The following SULF1 variants were observed in gnomAD, a reference collection of about 807,000 sequenced individuals.
The protein encoded by SULF1 is extracellular sulfatase Sulf-1.
In SULF1, 46 loss-of-function variants were observed where a neutral mutation model predicts 110.5. The ratio of observed to expected loss-of-function variants is 0.42; its 90% confidence interval spans 0.33 to 0.53. The LOEUF (loss-of-function observed/expected upper bound fraction) is 0.53. Among genes scored for constraint, SULF1 ranks in the 20% least tolerant of loss-of-function variants. SULF1 has a pLI of 0.12. For missense variants in SULF1, 941 were observed against 1,094.2 expected (o/e 0.86, Z 1.98); for synonymous variants, 371 against 387.1 (o/e 0.96, Z 0.49).
chr8:69,526,559 C>T (rs1309665755), intron 3 of SULF1, among the ~76,000 whole-genome samples: 16 of 145,776 alleles, frequency 1.1e-4, no homozygotes, highest in Middle Eastern at 3.5e-3. Flanking sequence ...CCCAAGAATT[C>T]GAGACCAGCC....
intron 1 of SULF1, among the ~76,000 whole-genome samples, chr8:69,477,281 G>A (rs892699377): frequency 2.6e-5 from 4 of 152,146 alleles, no homozygotes; most frequent in Non-Finnish European, 4.4e-5. Flanking sequence ...GGAAAAATAA[G>A]CTATATGAAA....
In SULF1 at chr8:69,604,816, A is replaced by C. The variant is rs1425056242; in HGVS notation, c.1261A>C (p.Lys421Gln). The C allele has an allele frequency of 6.2e-7, 1 of 1,614,150 alleles. No individual in the cohort carries two copies. ...TTTTTGTCGAAGCAAATTTCTACGT[A>C]AGAAGGAAGAATCCAGCAAGAATAT... ...FLVERGKFLR[K>Q]KEESSKNIQQ... Residue 421 changes from lysine to glutamine, a missense_variant, in exon 13 of 23, where the codon AAG (lysine) becomes CAG (glutamine). This residue lies in a region of SULF1 where 822 missense variants were observed against 934.3 expected (regional missense o/e 0.88). Coordinates refer to ENST00000402687, the MANE Select transcript of SULF1 (RefSeq NM_001128205.2).
upstream of SULF1, among the ~76,000 whole-genome samples, chr8:69,491,603 T>C (rs1202708789): frequency 6.6e-6 from 1 of 152,230 alleles, no homozygotes; most frequent in Non-Finnish European, 1.5e-5. Flanking sequence ...AGCTTTCTTG[T>C]TTAACTTATG....
chr8:69,525,645 T>G (rs1397393966), intron 3 of SULF1, among the ~76,000 whole-genome samples: 1 of 152,224 alleles, frequency 6.6e-6, no homozygotes, highest in Non-Finnish European at 1.5e-5. Context: ...CCTAACTCTA[T>G]GCAGAGTGGA....
chr8:69,583,406 T>A lies in SULF1; in HGVS notation c.413-2951T>A, dbSNP rs1281785277. 3.6e-5 allele frequency among the ~76,000 whole-genome samples: 5 copies of A among 137,076 alleles called. 1 individual carries two copies. The Admixed American group carries it at 3.7e-4, about 10-fold the overall frequency. The allele number at this position is 137,076 out of a possible 152,430, so 89.9% of individuals were successfully genotyped here. ...AATATGGTGAAACCCCATCTCTATT[T>A]AAAAAAAAAAAAAAAAAATTAGCCA... On this transcript the variant is annotated intron_variant, in intron 6 of 22. Coordinates refer to ENST00000402687, the MANE Select transcript of SULF1 (RefSeq NM_001128205.2).
At chr8:69,614,994 G>C (rs1379450972) in intron 13 of SULF1, among the ~76,000 whole-genome samples, 1 of 152,218 alleles carries the variant, frequency 6.6e-6, no homozygotes, top group Non-Finnish European at 1.5e-5. Flanking sequence ...AGTGAAGATG[G>C]AGACAATCGG....
At chr8:69,626,056 A>G (rs1032906488) in intron 15 of SULF1, 5 of 152,048 alleles carry the variant, frequency 3.3e-5, no homozygotes, top group Admixed American at 1.3e-4. Context: ...CTTGAGCTAA[A>G]CACAGGGTGC....
intron 13 of SULF1, among the ~76,000 whole-genome samples, chr8:69,612,269 G>T (rs1808721806): frequency 6.6e-6 from 1 of 152,044 alleles, no homozygotes. Context: ...CATTTAGGCT[G>T]GGTTCCATAT....
At chr8:69,629,234 G>A (rs111891663) in intron 18 of SULF1, among the ~76,000 whole-genome samples, 7,618 of 152,088 alleles carry the variant, frequency 0.05, 213 homozygotes, top group Middle Eastern at 0.078. Context: ...GGGTTTCACC[G>A]TGTTGGCCAA....
chr8:69,639,007 G>T, intron 21 of SULF1, 149 bp downstream of exon 21: 1 of 854,696 alleles, frequency 1.2e-6, no homozygotes, highest in South Asian at 1.9e-5. Flanking sequence ...AATACAATTT[G>T]ATCTCTAAGT....
intron 8 of SULF1, among the ~76,000 whole-genome samples, chr8:69,589,466 C>A (rs1006519818): frequency 1.3e-5 from 2 of 152,200 alleles, no homozygotes; most frequent in African/African-American, 2.4e-5. Context: ...TGTGTCTGAT[C>A]TAATAATGAT....
At chr8:69,575,803 A>G (rs1302403374) in intron 5 of SULF1, among the ~76,000 whole-genome samples, 167 bp from the exon 6 acceptor site, 1 of 152,196 alleles carries the variant, frequency 6.6e-6, no homozygotes, top group Admixed American at 6.5e-5. Flanking sequence ...GTAGGATCTC[A>G]AATGCTTAAT....
intron 3 of SULF1, among the ~76,000 whole-genome samples, chr8:69,506,427 C>T (rs1245574338): frequency 6.6e-6 from 1 of 152,236 alleles, no homozygotes; most frequent in East Asian, 1.9e-4. Context: ...TGTACAAGCA[C>T]ACAGATTTGC....
chr8:69,590,741 T>C (rs1022507167), intron 8 of SULF1, among the ~76,000 whole-genome samples: 1 of 152,156 alleles, frequency 6.6e-6, no homozygotes, highest in Admixed American at 6.5e-5. Context: ...GATAAGCCAT[T>C]ATGTTTTGGA....
chr8:69,587,593 GA>G (rs903282319), intron 7 of SULF1, among the ~76,000 whole-genome samples: 1 of 152,140 alleles, frequency 6.6e-6, no homozygotes, highest in African/African-American at 2.4e-5. Flanking sequence ...GCAAAGATGA[GA>G]AAAAAGCATT....
chr8:69,478,378 C>T (rs1424902926), intron 1 of SULF1, among the ~76,000 whole-genome samples: 2 of 152,188 alleles, frequency 1.3e-5, no homozygotes, highest in Non-Finnish European at 2.9e-5. Flanking sequence ...AGCATCCAGT[C>T]TAAATAAATG....
Position 69,543,202 on chromosome 8 carries a change from T to A in SULF1, c.-133-20337T>A, listed in dbSNP as rs555787081. Among the ~76,000 whole-genome samples, 381 of 152,176 alleles carry A rather than the reference T, an allele frequency of 2.5e-3. 3 individuals carry two copies. Among genetic ancestry groups the A allele is most frequent in the African/African-American group, 9.0e-3 (373 of 41,490 alleles). ...TATAAATTAAGCCCCTGGTTTTGTT[T>A]TTGTTGTTGTTGTTGTTGTTTATTT... On this transcript the variant is annotated intron_variant, in intron 3 of 22. Coordinates refer to ENST00000402687, the MANE Select transcript of SULF1 (RefSeq NM_001128205.2).
chr8:69,591,655 A>T (rs541077281), intron 8 of SULF1, among the ~76,000 whole-genome samples: 1 of 152,176 alleles, frequency 6.6e-6, no homozygotes, highest in Non-Finnish European at 1.5e-5. Context: ...TCAGTGCCAC[A>T]TGTGACACTA....
At chr8:69,482,228 T>C (rs1809543547) in intron 1 of SULF1, among the ~76,000 whole-genome samples, 1 of 152,192 alleles carries the variant, frequency 6.6e-6, no homozygotes, top group Non-Finnish European at 1.5e-5. Flanking sequence ...TATAACCGGC[T>C]AGATAATGGG....
Sources: allele counts gnomAD v4.1 joint callset (sites outside exome capture counted in the v4.1 genomes callset), GRCh38; gene constraint gnomAD v4.1.1; regional missense constraint gnomAD v4.1.1; transcripts MANE v1.5; gene names NCBI Gene and HGNC (gene_info 2026-07-23, HGNC 2026-07-21).